Variants in PRKCB observed in about 807,000 individuals in gnomAD.
PRKCB encodes the protein protein kinase C beta, also known as protein kinase C beta type.
PRKCB carries 13 observed loss-of-function variants against 81.5 expected under a neutral mutation model. The observed-to-expected ratio is 0.16, with a 90% CI of 0.10 to 0.25. The LOEUF (loss-of-function observed/expected upper bound fraction) is 0.25, where lower values mean the gene tolerates loss of function less well. PRKCB is among the 10% of genes least tolerant of loss of function. The pLI is 1.00. For missense variants in PRKCB, 509 were observed against 875.7 expected, an observed-to-expected ratio of 0.58 and a Z score of 5.29; for synonymous variants, 335 against 321.4, an observed-to-expected ratio of 1.04 and a Z score of -0.45.
intron 3 of PRKCB, among the ~76,000 whole-genome samples, chr16:24,017,498 GCA>G (rs59633203): frequency 0.01 from 1,538 of 147,818 alleles, 26 homozygotes; most frequent in African/African-American, 0.035. Flanking sequence ...AAACACGCAG[GCA>G]CACACACACA....
intron 2 of PRKCB, chr16:23,963,473 G>A (rs1382290809): frequency 6.6e-6 from 1 of 152,208 alleles, no homozygotes; most frequent in Middle Eastern, 3.2e-3. Context: ...CTGAAACATA[G>A]TACGCTCCAT....
intron 2 of PRKCB, among the ~76,000 whole-genome samples, chr16:23,933,932 CA>C (rs1964019931): frequency 1.8e-4 from 1 of 5,564 alleles, no homozygotes; most frequent in South Asian, 9.4e-3. Flanking sequence ...TCCATTCATC[CA>C]TCCATCCATC....
chr16:24,027,780 T>C (rs1263836899), intron 3 of PRKCB, among the ~76,000 whole-genome samples: 1 of 152,042 alleles, frequency 6.6e-6, no homozygotes, highest in Non-Finnish European at 1.5e-5. Flanking sequence ...CTTTAAACAA[T>C]TTTTTTTGAG....
At position 24,035,404 on chromosome 16, in the gene PRKCB, TC is replaced by T; in HGVS notation, c.401-14del. ...GGGCCAGCCTAAGCCACATCCCCTC[TC>T]TCTGCCCTCACAGCCTGCATGATGA... On this transcript the variant is annotated splice_polypyrimidine_tract_variant and intron_variant, in intron 4 of 16. Coordinates refer to ENST00000643927, the MANE Select transcript of PRKCB (RefSeq NM_002738.7). 6.2e-7 allele frequency: 1 copy of T among 1,612,660 alleles called. No individual in the cohort carries two copies. Among genetic ancestry groups the T allele is most frequent in the South Asian group, 1.1e-5 (1 of 90,902 alleles).
At chr16:24,188,031 C>T (rs942044750) in intron 15 of PRKCB, among the ~76,000 whole-genome samples, 2 of 152,256 alleles carry the variant, frequency 1.3e-5, no homozygotes, top group Admixed American at 1.3e-4. Context: ...CCCCTTCACA[C>T]GCCCGCCCTG....
Position 24,191,325 on chromosome 16 carries a change from G to A in PRKCB, c.1863+95G>A, listed in dbSNP as rs753941488. 5.8e-6 allele frequency: 8 copies of A among 1,368,562 alleles called. No individual in the cohort carries two copies. In the East Asian group the frequency reaches 9.2e-5, roughly 16 times the overall value. The allele number at this position is 1,368,562 out of a possible 1,614,324, so 84.8% of individuals were successfully genotyped here. On this transcript the variant is annotated intron_variant, in intron 16 of 16. Coordinates refer to ENST00000643927, the MANE Select transcript of PRKCB (RefSeq NM_002738.7). Reference sequence around the variant, plus strand: ...TCCAAATGCTCCCTGAGGGGTAGACGTCAATGTGTCTACTGGAACATGGGT... The same window carrying A: ...TCCAAATGCTCCCTGAGGGGTAGACATCAATGTGTCTACTGGAACATGGGT...
At chr16:23,857,490 C>T (rs1349713270) in intron 2 of PRKCB, among the ~76,000 whole-genome samples, 8 of 152,154 alleles carry the variant, frequency 5.3e-5, no homozygotes, top group Non-Finnish European at 1.2e-4. Flanking sequence ...CCGAGACTTC[C>T]AAGGGCTGGG....
At chr16:24,042,743 A>ATTTTT (rs4039567) in intron 5 of PRKCB, among the ~76,000 whole-genome samples, 2 of 144,508 alleles carry the variant, frequency 1.4e-5, no homozygotes, top group East Asian at 2.0e-4. Flanking sequence ...TACATACAAA[A>ATTTTT]TTTTTTTTTT....
At chr16:24,155,995 C>T (rs1016551358) in intron 10 of PRKCB, among the ~76,000 whole-genome samples, 1 of 152,148 alleles carries the variant, frequency 6.6e-6, no homozygotes, top group African/African-American at 2.4e-5. Flanking sequence ...CGTATAATGG[C>T]TTGTTGTCTC....
At chr16:24,174,034 G>A (rs909804354) in intron 11 of PRKCB, among the ~76,000 whole-genome samples, 1 of 151,932 alleles carries the variant, frequency 6.6e-6, no homozygotes, top group African/African-American at 2.4e-5. Context: ...TGGGGGACAG[G>A]GTCTCACTCT....
chr16:24,211,741 G>T lies in PRKCB; in HGVS notation c.1864-2917G>T, dbSNP rs186850018. ...GCCTGGCTAATTTTTTGTATTTTTA[G>T]TAGAGATGGGATTTCACCATGTTGG... On this transcript the variant is annotated intron_variant, in intron 16 of 16. Transcript: ENST00000643927. 2.9e-4 allele frequency among the ~76,000 whole-genome samples: 44 copies of T among 152,028 alleles called. 1 individual carries two copies. Among genetic ancestry groups the T allele is most frequent in the Admixed American group, 2.9e-3 (44 of 15,264 alleles).
intron 2 of PRKCB, among the ~76,000 whole-genome samples, chr16:23,969,864 G>A (rs1567329643): frequency 6.6e-6 from 1 of 151,648 alleles, no homozygotes; most frequent in Non-Finnish European, 1.5e-5. Context: ...GTGATTGATA[G>A]GTGTGTGTGT....
intron 2 of PRKCB, among the ~76,000 whole-genome samples, chr16:23,981,389 AC>A (rs949366217): frequency 2.7e-5 from 4 of 150,866 alleles, no homozygotes; most frequent in East Asian, 3.9e-4. Context: ...ATCTAGTATA[AC>A]CCCCTTTCTC....
At chr16:23,917,119 G>T (rs1277422594) in intron 2 of PRKCB, among the ~76,000 whole-genome samples, 1 of 151,952 alleles carries the variant, frequency 6.6e-6, no homozygotes, top group African/African-American at 2.4e-5. Flanking sequence ...ACAGAGTCTC[G>T]CTCTGTTGCC....
chr16:23,966,548 A>G (rs1009804435), intron 2 of PRKCB, among the ~76,000 whole-genome samples: 1 of 152,218 alleles, frequency 6.6e-6, no homozygotes, highest in African/African-American at 2.4e-5. Context: ...AGTGATTATT[A>G]TTATTATCCC....
chr16:23,980,798 A>AATATATATATATATATATATATATATAT (rs143162594), intron 2 of PRKCB, among the ~76,000 whole-genome samples: 66 of 148,768 alleles, frequency 4.4e-4, no homozygotes, highest in African/African-American at 1.7e-3. Context: ...CTCCAAACAG[A>AATATATATATATATATATATATATATAT]ATATATATAT....
intron 5 of PRKCB, among the ~76,000 whole-genome samples, chr16:24,041,467 T>TC (rs1296491447): frequency 6.6e-6 from 1 of 152,210 alleles, no homozygotes; most frequent in Admixed American, 6.5e-5. Context: ...CTTAGCCATG[T>TC]CCATCCTCAT....
rs138481277 is a variant in PRKCB at position 23,918,163 on chromosome 16, G to A, written c.206-70345G>A. Among the ~76,000 whole-genome samples the A allele has an allele frequency of 5.3e-5, 8 of 152,190 alleles. No individual in the cohort carries two copies. The East Asian group carries it at 9.7e-4, about 18-fold the overall frequency. ...GGGGATGGGGGATGTTTTGACACTT[G>A]GAGGGATGGGAGGGAGCCAACAAAG... On this transcript the variant is annotated intron_variant, in intron 2 of 16. Coordinates refer to ENST00000643927, the MANE Select transcript of PRKCB (RefSeq NM_002738.7).
At chr16:24,041,008 G>C (rs1476017165) in intron 5 of PRKCB, among the ~76,000 whole-genome samples, 1 of 151,920 alleles carries the variant, frequency 6.6e-6, no homozygotes, top group Non-Finnish European at 1.5e-5. Context: ...GTTGTAAAAT[G>C]CTCCCAAGGT....
Sources: gnomAD v4.1 joint callset for allele counts (sites outside exome capture counted in the v4.1 genomes callset) on GRCh38, gnomAD v4.1.1 for gene constraint, MANE v1.5 for transcripts, NCBI Gene and HGNC (gene_info 2026-07-23, HGNC 2026-07-21) for gene names.